NT5DC1: variants seen among roughly 807,000 people sequenced by gnomAD.
NT5DC1 encodes the protein 5'-nucleotidase domain-containing protein 1.
NT5DC1 carries 42 observed loss-of-function variants against 59.4 expected under a neutral mutation model. That is an observed-to-expected ratio of 0.71 (90% CI 0.55 to 0.92). The LOEUF is 0.92. Ranked by LOEUF, NT5DC1 falls within the 40% of genes least tolerant of loss-of-function variation. The pLI, the probability that NT5DC1 is intolerant of heterozygous loss-of-function variation, is 0.00. For synonymous variants in NT5DC1, 172 were observed against 188.1 expected (o/e 0.91, Z 0.70); for missense variants, 501 against 537.1 (o/e 0.93, Z 0.66).
intron 6 of NT5DC1, among the ~76,000 whole-genome samples, chr6:116,158,011 C>G (rs1780239186): frequency 6.6e-6 from 1 of 152,192 alleles, no homozygotes; most frequent in Non-Finnish European, 1.5e-5. Flanking sequence ...TTCCTCTGAT[C>G]ATTTGACATT....
At chr6:116,232,465 G>A (rs946023104) in intron 8 of NT5DC1, among the ~76,000 whole-genome samples, 2 of 151,780 alleles carry the variant, frequency 1.3e-5, no homozygotes, top group Non-Finnish European at 2.9e-5. Context: ...AGAGGTGAGT[G>A]CATACCAGAT....
chr6:116,183,819 C>A (rs981358011), intron 6 of NT5DC1, among the ~76,000 whole-genome samples: 1 of 151,864 alleles, frequency 6.6e-6, no homozygotes, highest in Admixed American at 6.6e-5. Context: ...TTAGGGTTTT[C>A]TAGGTATATG....
intron 6 of NT5DC1, among the ~76,000 whole-genome samples, chr6:116,204,135 G>A (rs963369247): frequency 6.6e-6 from 1 of 151,948 alleles, no homozygotes; most frequent in South Asian, 2.1e-4. Context: ...ATGCACTGCT[G>A]TGAGCCTGAA....
Position 116,147,336 on chromosome 6 carries a change from G to A in NT5DC1, c.529+29391G>A, listed in dbSNP as rs148178678. The stretch of plus-strand genomic sequence containing the variant: ...ATCTACCTGTAATCCCAGCTACCTG[G>A]GAGTCTGAGGCAGGGAAATTGCTTG... On this transcript the variant is annotated intron_variant, in intron 6 of 11. Coordinates refer to ENST00000319550, the MANE Select transcript of NT5DC1 (RefSeq NM_152729.3). Among the ~76,000 whole-genome samples the A allele has an allele frequency of 2.6e-3, 395 of 152,154 alleles. 10 individuals are homozygous for A. The South Asian group carries it at 0.043, about 17-fold the overall frequency.
intron 11 of NT5DC1, among the ~76,000 whole-genome samples, chr6:116,241,926 AAAAAAAAAAAAACAAAAC>A (rs1259263685): frequency 3.7e-4 from 12 of 32,820 alleles, no homozygotes; most frequent in Admixed American, 2.2e-3. Context: ...CCGTCTCAAA[AAAAAAAAAAAAACAAAAC>A]AAAAAAAAAA....
At chr6:116,219,551 G>A (rs550221709) in intron 6 of NT5DC1, among the ~76,000 whole-genome samples, 60 of 152,240 alleles carry the variant, frequency 3.9e-4, no homozygotes, top group African/African-American at 1.4e-3. Flanking sequence ...GATGAAACCC[G>A]AAACAATATC....
intron 6 of NT5DC1, among the ~76,000 whole-genome samples, chr6:116,184,573 G>C (rs1343267027): frequency 6.6e-6 from 1 of 151,886 alleles, no homozygotes; most frequent in Admixed American, 6.6e-5. Context: ...GCTTGTTATT[G>C]GTCTGTTCAG....
intron 6 of NT5DC1, among the ~76,000 whole-genome samples, chr6:116,173,572 T>C (rs1554197875): frequency 6.6e-6 from 1 of 152,120 alleles, no homozygotes; most frequent in Non-Finnish European, 1.5e-5. Context: ...GCGAGTGTGC[T>C]CCTCAGGGTA....
intron 11 of NT5DC1, among the ~76,000 whole-genome samples, chr6:116,240,257 C>T (rs957868182): frequency 1.3e-5 from 2 of 151,938 alleles, no homozygotes; most frequent in African/African-American, 4.8e-5. Context: ...TTCACATTTT[C>T]GGATTCAACC....
intron 8 of NT5DC1, among the ~76,000 whole-genome samples, chr6:116,236,478 C>A (rs1255213484): frequency 1.3e-5 from 2 of 152,184 alleles, no homozygotes; most frequent in African/African-American, 4.8e-5. Flanking sequence ...TCATTCCCCA[C>A]CCACCCCAAG....
chr6:116,212,871 T>C (rs1781607190), intron 6 of NT5DC1, among the ~76,000 whole-genome samples: 1 of 152,196 alleles, frequency 6.6e-6, no homozygotes, highest in Admixed American at 6.6e-5. Flanking sequence ...TTCTTTAAAC[T>C]GTTTAAAACA....
At chr6:116,160,397 G>A (rs1666236676) in intron 6 of NT5DC1, among the ~76,000 whole-genome samples, 1 of 151,888 alleles carries the variant, frequency 6.6e-6, no homozygotes, top group South Asian at 2.1e-4. Context: ...TATGTTTGTT[G>A]GTCACTTGTA....
Position 116,121,223 on chromosome 6 carries a change from AAGCCAGGAGGCCCTGGGGGCCC to A in NT5DC1, c.529+3282_529+3303del. On this transcript the variant is annotated intron_variant, in intron 6 of 11. Transcript: ENST00000319550. Reference sequence around the variant, plus strand: ...CAGGCCTGGCAAGCCTGGTTTCCCAAAGCCAGGAGGCCCTGGGGGCCCAGCTATTCCTGGAGCCCCAGGGAGA... The same window carrying A: ...CAGGCCTGGCAAGCCTGGTTTCCCAAAGCTATTCCTGGAGCCCCAGGGAGA... 35 of 1,613,320 alleles carry A rather than the reference AAGCCAGGAGGCCCTGGGGGCCC, an allele frequency of 2.2e-5. No individual in the cohort carries two copies. The highest frequency in any genetic ancestry group is 3.0e-5 in the Non-Finnish European group (35 of 1,179,736).
At chr6:116,235,361 C>A (rs1158377561) in intron 8 of NT5DC1, among the ~76,000 whole-genome samples, 1 of 152,142 alleles carries the variant, frequency 6.6e-6, no homozygotes, top group Non-Finnish European at 1.5e-5. Flanking sequence ...TAGGCTAGTA[C>A]ATGATTTTGG....
At chr6:116,122,472 A>G (rs923554519) in intron 6 of NT5DC1, among the ~76,000 whole-genome samples, 1 of 152,222 alleles carries the variant, frequency 6.6e-6, no homozygotes, top group Non-Finnish European at 1.5e-5. Context: ...ACCTCAGAAT[A>G]TACTCTGAGC....
chr6:116,136,683 T>C (rs1779613543), intron 6 of NT5DC1, among the ~76,000 whole-genome samples: 1 of 152,198 alleles, frequency 6.6e-6, no homozygotes, highest in South Asian at 2.1e-4. Flanking sequence ...ATCTTTCATA[T>C]TAATAAACAG....
intron 6 of NT5DC1, among the ~76,000 whole-genome samples, chr6:116,122,252 A>C (rs927781721): frequency 6.6e-6 from 1 of 152,214 alleles, no homozygotes; most frequent in African/African-American, 2.4e-5. Context: ...AGTGCAGTGG[A>C]GGTAAATTTA....
rs144666526 is a variant in NT5DC1 at position 116,245,473 on chromosome 6, C to CA, written c.*1457dup. The CA allele has an allele frequency of 0.063, 9,626 of 152,122 alleles. 440 individuals are homozygous for CA. The highest frequency in any genetic ancestry group is 0.14 in the Middle Eastern group (42 of 290). 9.4% of individuals were successfully genotyped at this position (152,122 alleles called of 1,614,324 possible). On this transcript the variant is annotated 3_prime_UTR_variant, in exon 12 of 12. Coordinates refer to ENST00000319550, the MANE Select transcript of NT5DC1 (RefSeq NM_152729.3). The stretch of plus-strand genomic sequence containing the variant: ...TCAGGGTAAGTAACAAAAAAACAAA[C>CA]AAAAAAAATCACTGAAATTTTTCCC...
chr6:116,231,609 C>T (rs1258711716), intron 8 of NT5DC1, among the ~76,000 whole-genome samples: 2 of 152,116 alleles, frequency 1.3e-5, no homozygotes, highest in African/African-American at 2.4e-5. Context: ...AAGAATGAGA[C>T]GAGAAAGAAA....
Sources: allele counts gnomAD v4.1 joint callset (sites outside exome capture counted in the v4.1 genomes callset), GRCh38; gene constraint gnomAD v4.1.1; transcripts MANE v1.5; gene names NCBI Gene and HGNC (gene_info 2026-07-23, HGNC 2026-07-21).